GBP3: variants seen among roughly 807,000 people sequenced by gnomAD.
The protein encoded by GBP3 is guanylate-binding protein 3.
In GBP3, 55 loss-of-function variants were observed where a neutral mutation model predicts 62.4. That is an observed-to-expected ratio of 0.88 (90% confidence interval 0.71 to 1.10). GBP3 has a LOEUF of 1.10. Ranked by LOEUF, GBP3 falls within the 50% of genes least tolerant of loss-of-function variation. The probability of loss-of-function intolerance (pLI) is 0.00; values close to 1 mark genes in which losing one functional copy is unlikely to be tolerated. For missense variants in GBP3, 605 were observed against 690.6 expected (o/e 0.88, Z 1.39); for synonymous variants, 208 against 259.2 (o/e 0.80, Z 1.90).
Position 89,021,510 on chromosome 1 carries a change from G to GCGCGCACA in GBP3, c.-22-768_-22-767insTGTGCGCG, listed in dbSNP as rs751639388. ...CTAAGAAACACGCATGCGCGCGCGC[G>GCGCGCACA]CACACACACACACACACACACACAC... is the stretch of plus-strand genomic sequence containing the variant. On this transcript the variant is annotated intron_variant, in intron 1 of 10. Transcript: ENST00000370481. 9.9e-3 allele frequency among the ~76,000 whole-genome samples: 1,299 copies of GCGCGCACA among 131,696 alleles called. 7 individuals carry two copies. The highest frequency in any genetic ancestry group is 0.031 in the Admixed American group (409 of 13,122). The allele number at this position is 131,696 out of a possible 152,430, so 86.4% of individuals were successfully genotyped here. A position where few individuals can be genotyped will look rare whatever the true frequency, so the allele number is the denominator to read the frequency against.
intron 1 of GBP3, among the ~76,000 whole-genome samples, chr1:89,021,544 A>ACACCC (rs761151308): frequency 4.0e-4 from 57 of 140,946 alleles, no homozygotes; most frequent in Non-Finnish European, 7.0e-4. Flanking sequence ...ACACACACAC[A>ACACCC]CCCCAAAAAA....
chr1:89,021,869 G>A (rs948646809), intron 1 of GBP3, among the ~76,000 whole-genome samples: 3 of 116,716 alleles, frequency 2.6e-5, no homozygotes, highest in African/African-American at 8.1e-5. Context: ...AAGGTGATGA[G>A]TGAAGCTAGT....
chr1:89,020,920 T>C (rs1214690345), intron 1 of GBP3, among the ~76,000 whole-genome samples, 177 bp from the exon 2 acceptor site: 2 of 152,208 alleles, frequency 1.3e-5, no homozygotes, highest in Non-Finnish European at 2.9e-5. Flanking sequence ...AATATTGGTA[T>C]GACAGTAACT....
chr1:89,011,678 C>T lies in GBP3; in HGVS notation c.1149+69G>A. The T allele has an allele frequency of 3.6e-6, 5 of 1,399,196 alleles. 2 individuals carry two copies. The South Asian group carries it at 6.3e-5, about 18-fold the overall frequency. The allele number at this position is 1,399,196 out of a possible 1,614,324, so 86.7% of individuals were successfully genotyped here. On this transcript the variant is annotated intron_variant, in intron 7 of 10. Coordinates refer to ENST00000370481, the MANE Select transcript of GBP3 (RefSeq NM_018284.3). ...TAATTATTTGTCTCAAAATAAATAC[C>T]AATTTCATTTCTTAGTAGTACTTTG...
chr1:89,014,768 A>G, intron 3 of GBP3, 112 bp from the exon 4 acceptor site: 4 of 1,328,688 alleles, frequency 3.0e-6, no homozygotes, highest in Non-Finnish European at 4.1e-6. Flanking sequence ...AAGACTAATG[A>G]CCTATGAAAA....
At position 89,014,092 on chromosome 1, in the gene GBP3, GCTTCAGGGAATA is replaced by G; in HGVS notation, c.604_615del (p.Tyr202_Lys205del). 6.2e-7 allele frequency: 1 copy of G among 1,614,114 alleles called. No individual in the cohort carries two copies. The highest frequency in any genetic ancestry group is 8.5e-7 in the Non-Finnish European group (1 of 1,179,980). On this transcript the variant is annotated inframe_deletion, in exon 5 of 11. Coordinates refer to ENST00000370481, the MANE Select transcript of GBP3 (RefSeq NM_018284.3). The stretch of plus-strand genomic sequence containing the variant: ...GGTACGTCTCTGTTACCTTGCGTTA[GCTTCAGGGAATA>G]CTCCAGGTACTCATCTGGTGTGAGG...
intron 10 of GBP3, among the ~76,000 whole-genome samples, chr1:89,008,146 G>C (rs1425120309): frequency 6.6e-6 from 1 of 151,564 alleles, no homozygotes; most frequent in Non-Finnish European, 1.5e-5. Context: ...CAATATATTT[G>C]ACTTCAAATC....
chr1:89,014,115 T>C lies in GBP3; in HGVS notation c.593A>G (p.Glu198Gly), dbSNP rs143690907. The change falls in exon 5 of 11, where the codon GAG becomes GGG. Residue 198 changes from glutamate (E) to glycine (G), a missense_variant. Physicochemically the swap from Glu to Gly is moderately conservative, Grantham distance 98. This residue lies in a region of GBP3 where 308 missense variants were observed against 318.0 expected (regional missense o/e 0.97). Coordinates refer to ENST00000370481, the MANE Select transcript of GBP3 (RefSeq NM_018284.3). ...TAGCTTCAGGGAATACTCCAGGTAC[T>C]CATCTGGTGTGAGGGGTTGTCCATC... ...EADGQPLTPD[E>G]YLEYSLKLTQ... 1.4e-4 allele frequency: 221 copies of C among 1,614,234 alleles called. No homozygotes were observed. In the African/African-American group the frequency reaches 1.9e-3, roughly 14 times the overall value.
rs771474093 is a variant in GBP3 at position 89,011,734 on chromosome 1, A to G, written c.1149+13T>C. The G allele has an allele frequency of 3.4e-6, 5 of 1,462,082 alleles. 2 individuals are homozygous for G. The South Asian group carries it at 4.7e-5, about 14-fold the overall frequency. 90.6% of individuals were successfully genotyped at this position (1,462,082 alleles called of 1,614,324 possible). A position where few individuals can be genotyped will look rare whatever the true frequency, so the allele number is the denominator to read the frequency against. On this transcript the variant is annotated intron_variant, in intron 7 of 10. Coordinates refer to ENST00000370481, the MANE Select transcript of GBP3 (RefSeq NM_018284.3). ...CAAAATCCAAATCCATGTAAATGTG[A>G]TAGAAAAATTACCGCTAATTTCTTT...
rs924191461 is a variant in GBP3 at position 89,007,763 on chromosome 1, T to C, written c.1749A>G (p.Lys583=). The change falls in exon 11 of 11, where the codon AAA becomes AAG. Residue 583 remains lysine, a synonymous_variant. Coordinates refer to ENST00000370481, the MANE Select transcript of GBP3 (RefSeq NM_018284.3). ...EIQKLQKTLK[K]KTKRYMSHKL... ...TATGCGACATATATCTCTTGGTTTT[T>C]TTTTTCAGGGTCTTCTGTAGCTTTT... is the stretch of plus-strand genomic sequence containing the variant. 9.3e-6 allele frequency: 15 copies of C among 1,613,610 alleles called. No individual in the cohort carries two copies. Among genetic ancestry groups the C allele is most frequent in the African/African-American group, 2.7e-5 (2 of 74,888 alleles).
chr1:89,019,899 T>C (rs976567953), intron 2 of GBP3, among the ~76,000 whole-genome samples: 2 of 152,236 alleles, frequency 1.3e-5, no homozygotes, highest in Non-Finnish European at 2.9e-5. Flanking sequence ...CAAGGATAAA[T>C]TTTATGTTTA....
At chr1:89,014,762 C>T in intron 3 of GBP3, 106 bp from the exon 4 acceptor site, 1 of 1,383,272 alleles carries the variant, frequency 7.2e-7, no homozygotes, top group Non-Finnish European at 9.9e-7. Context: ...TCTTTTAAGA[C>T]TAATGACCTA....
chr1:89,016,582 A>T (rs1327148779), intron 2 of GBP3, among the ~76,000 whole-genome samples: 1 of 152,162 alleles, frequency 6.6e-6, no homozygotes, highest in Admixed American at 6.5e-5. Flanking sequence ...AATGAAAATT[A>T]CAAAATTTTT....
intron 2 of GBP3, among the ~76,000 whole-genome samples, chr1:89,019,191 T>C (rs1679048498): frequency 6.6e-6 from 1 of 152,248 alleles, no homozygotes; most frequent in Non-Finnish European, 1.5e-5. Context: ...TTATTTGTAA[T>C]AGCCAAAAGG....
chr1:89,012,795 G>A lies in GBP3; in HGVS notation c.868+390C>T, dbSNP rs146670670. Among the ~76,000 whole-genome samples the A allele has an allele frequency of 1.2e-3, 168 of 137,246 alleles. 8 individuals are homozygous for A. The highest frequency in any genetic ancestry group is 4.1e-3 in the African/African-American group (167 of 40,304). The allele number at this position is 137,246 out of a possible 152,430, so 90.0% of individuals were successfully genotyped here. On this transcript the variant is annotated intron_variant, in intron 6 of 10. Transcript: ENST00000370481. ...GTGTCATCTAGAATTTAGCACAAAT[G>A]TAGCAGTAGATTGGGATTTTTCAAT...
Position 89,007,459 on chromosome 1 carries a change from A to C in GBP3, c.*265T>G. On this transcript the variant is annotated 3_prime_UTR_variant, in exon 11 of 11. Coordinates refer to ENST00000370481, the MANE Select transcript of GBP3 (RefSeq NM_018284.3). ...TTACCTAAGACTTTCCTCAGTATCC[A>C]CTGGTCGTCTGGAAGAATAAACTTC... is the stretch of plus-strand genomic sequence containing the variant. 3.0e-6 allele frequency: 1 copy of C among 330,820 alleles called. No individual in the cohort carries two copies. The highest frequency in any genetic ancestry group is 5.5e-6 in the Non-Finnish European group (1 of 180,334). 20.5% of individuals were successfully genotyped at this position (330,820 alleles called of 1,614,324 possible).
chr1:89,008,748 G>T (rs1403638689), intron 10 of GBP3, 199 bp downstream of exon 10: 1 of 975,538 alleles, frequency 1.0e-6, no homozygotes, highest in Non-Finnish European at 1.5e-6. Context: ...GACTGAATGT[G>T]ACACCCTGCA....
chr1:89,008,996 C>G lies in GBP3; in HGVS notation c.1610G>C (p.Arg537Thr). ...KQLTEKMERE[R>T]AQLLEEQEKT... ...CTCTTGCTCTTCCAGCAACTGGGCC[C>G]TCTCCCTCTCCATCTTCTCAGTCAA... Residue 537 changes from arginine to threonine, a missense_variant, in exon 10 of 11, where the codon AGG becomes ACG. Physicochemically the swap from Arg to Thr is moderately conservative, Grantham distance 71. This residue lies in a region of GBP3 where 160 missense variants were observed against 147.8 expected (regional missense o/e 1.08). Transcript: ENST00000370481. The G allele has an allele frequency of 6.2e-7, 1 of 1,614,170 alleles. No individual in the cohort carries two copies.
chr1:89,014,219 A>C lies in GBP3; in HGVS notation c.489T>G (p.Asn163Lys), dbSNP rs1338358799. Residue 163 changes from asparagine to lysine, a missense_variant, in exon 5 of 11, where the codon AAT (asparagine) becomes AAG (lysine). Asn to Lys is a moderately conservative substitution (Grantham distance 94). Coordinates refer to ENST00000370481, the MANE Select transcript of GBP3 (RefSeq NM_018284.3). ...RSKSSPDENE[N>K]EDSADFVSFF... Reference sequence around the variant, plus strand: ...AGCTCACAAAGTCAGCTGAATCCTCATTCTCATTCTCATCAGGTGAGGATT... The same window carrying C: ...AGCTCACAAAGTCAGCTGAATCCTCCTTCTCATTCTCATCAGGTGAGGATT... The C allele has an allele frequency of 6.2e-7, 1 of 1,614,060 alleles. No individual in the cohort carries two copies. Among genetic ancestry groups the C allele is most frequent in the Non-Finnish European group, 8.5e-7 (1 of 1,180,044 alleles).
Sources: allele counts gnomAD v4.1 joint callset (sites outside exome capture counted in the v4.1 genomes callset), GRCh38; gene constraint gnomAD v4.1.1; regional missense constraint gnomAD v4.1.1; transcripts MANE v1.5; gene names NCBI Gene and HGNC (gene_info 2026-07-23, HGNC 2026-07-21).